RASGRP3: variants seen among roughly 807,000 people sequenced by gnomAD.
RASGRP3 encodes the protein ras guanyl-releasing protein 3.
RASGRP3 carries 54 observed loss-of-function variants against 82.7 expected under a neutral mutation model. That is an observed-to-expected ratio of 0.65 (90% CI 0.52 to 0.82). The LOEUF (loss-of-function observed/expected upper bound fraction) is 0.82. Ranked by LOEUF, RASGRP3 falls within the 40% of genes least tolerant of loss-of-function variation. RASGRP3 has a pLI of 0.00. For synonymous variants in RASGRP3, 309 were observed against 300.5 expected, an observed-to-expected ratio of 1.03 and a Z score of -0.29; for missense variants, 861 against 828.9, an observed-to-expected ratio of 1.04 and a Z score of -0.48.
At chr2:33,499,933 A>T (rs1307499764) in intron 1 of RASGRP3, among the ~76,000 whole-genome samples, 1 of 152,174 alleles carries the variant, frequency 6.6e-6, no homozygotes. Flanking sequence ...TTCTTAAGCC[A>T]TTGGAGAGAC....
chr2:33,529,665 A>G (rs1219393027), intron 10 of RASGRP3, among the ~76,000 whole-genome samples: 1 of 152,072 alleles, frequency 6.6e-6, no homozygotes, highest in African/African-American at 2.4e-5. Flanking sequence ...AGCATAGTGT[A>G]GTGGCAAAAT....
At chr2:33,526,607 C>T (rs1211759530) in intron 9 of RASGRP3, among the ~76,000 whole-genome samples, 1 of 152,160 alleles carries the variant, frequency 6.6e-6, no homozygotes, top group Non-Finnish European at 1.5e-5. Flanking sequence ...CGGAACTTCT[C>T]TTACTTACAG....
At chr2:33,473,600 A>C (rs1370448612), upstream of RASGRP3, among the ~76,000 whole-genome samples, 1 of 152,146 alleles carries the variant, frequency 6.6e-6, no homozygotes, top group Non-Finnish European at 1.5e-5. Context: ...GTCGAAGACA[A>C]TGCTTGGAAC....
chr2:33,554,980 T>A (rs1334352501), intron 14 of RASGRP3: 1 of 152,290 alleles, frequency 6.6e-6, no homozygotes, highest in African/African-American at 2.4e-5. Context: ...TTTCGACATC[T>A]CCTACAACCC....
rs530199241 is a variant in RASGRP3 at position 33,563,361 on chromosome 2, C to T, written c.*624C>T. The T allele has an allele frequency of 1.3e-5, 2 of 152,558 alleles. No individual in the cohort carries two copies. Among genetic ancestry groups the T allele is most frequent in the South Asian group, 4.1e-4 (2 of 4,838 alleles). 9.5% of individuals were successfully genotyped at this position (152,558 alleles called of 1,614,324 possible). ...AAGGAGAAACTGTTTACATCCTTCC[C>T]ACTACACAGTTGCTATGATATGTAA... On this transcript the variant is annotated 3_prime_UTR_variant, in exon 18 of 18. Coordinates refer to ENST00000403687, the MANE Select transcript of RASGRP3 (RefSeq NM_001139488.2).
At chr2:33,530,391 C>T (rs1258270112) in intron 10 of RASGRP3, among the ~76,000 whole-genome samples, 1 of 151,648 alleles carries the variant, frequency 6.6e-6, no homozygotes, top group Admixed American at 6.6e-5. Context: ...TAGTTAATTA[C>T]AGTTTTCACA....
intron 17 of RASGRP3, among the ~76,000 whole-genome samples, 173 bp from the exon 18 acceptor site, chr2:33,562,556 C>A (rs949656533): frequency 2.0e-5 from 3 of 152,150 alleles, no homozygotes; most frequent in African/African-American, 7.2e-5. Flanking sequence ...TAGGTGTGAG[C>A]CACTGCACCC....
chr2:33,459,668 G>T (rs1231512454), intron 2 of RASGRP3, among the ~76,000 whole-genome samples: 1 of 150,540 alleles, frequency 6.6e-6, no homozygotes, highest in Non-Finnish European at 1.5e-5. Flanking sequence ...AGTGGTGAGG[G>T]GACAAGGAGG....
chr2:33,470,357 T>C (rs12712340), intron 2 of RASGRP3, among the ~76,000 whole-genome samples: 54,369 of 150,368 alleles, frequency 0.36, 11,829 homozygotes, highest in Non-Finnish European at 0.47. Flanking sequence ...TTGTTGCTAT[T>C]ATAAATAATA....
intron 7 of RASGRP3, among the ~76,000 whole-genome samples, chr2:33,522,457 T>C (rs999606124): frequency 6.6e-6 from 1 of 152,226 alleles, no homozygotes; most frequent in African/African-American, 2.4e-5. Context: ...GGAAAAAATA[T>C]TTAGTTAGGT....
chr2:33,451,166 G>A (rs1665780215), intron 2 of RASGRP3, among the ~76,000 whole-genome samples: 1 of 151,722 alleles, frequency 6.6e-6, no homozygotes, highest in Non-Finnish European at 1.5e-5. Flanking sequence ...GCCCAGCTGA[G>A]CATTTTTTCA....
chr2:33,539,119 A>T lies in RASGRP3; in HGVS notation c.1187A>T (p.Asn396Ile). 1 of 1,610,668 alleles carries T rather than the reference A, an allele frequency of 6.2e-7. No individual in the cohort carries two copies. The highest frequency in any genetic ancestry group is 2.2e-5 in the East Asian group (1 of 44,790). Residue 396 changes from asparagine (N) to isoleucine (I), a missense_variant, in exon 12 of 18, where the codon AAC becomes ATC. Transcript: ENST00000403687. Reference sequence around the variant, plus strand: ...CAGCCTACCTCCCCTACGACGCCCAACAAGCCTGTGGTACCCCTGGAGTGG... The same window carrying T: ...CAGCCTACCTCCCCTACGACGCCCATCAAGCCTGTGGTACCCCTGGAGTGG... The part of the protein sequence containing the change: ...KSQPTSPTTP[N>I]KPVVPLEWAL...
upstream of RASGRP3, among the ~76,000 whole-genome samples, chr2:33,472,056 A>C (rs1169759093): frequency 1.3e-5 from 2 of 152,194 alleles, no homozygotes; most frequent in African/African-American, 4.8e-5. Context: ...GTAGCCTAAT[A>C]TAAAATCAAG....
upstream of RASGRP3, among the ~76,000 whole-genome samples, chr2:33,472,304 C>A (rs892707167): frequency 1.3e-5 from 2 of 152,140 alleles, no homozygotes; most frequent in Admixed American, 6.5e-5. Context: ...GCAACCGCAG[C>A]GAAATGTACA....
chr2:33,542,786 C>G (rs186032738), intron 12 of RASGRP3, among the ~76,000 whole-genome samples: 2 of 119,308 alleles, frequency 1.7e-5, no homozygotes, highest in East Asian at 3.9e-4. Context: ...CAGGTTCAAG[C>G]GATTCTCGTG....
At chr2:33,547,711 T>C (rs1674937694) in intron 13 of RASGRP3, among the ~76,000 whole-genome samples, 1 of 152,106 alleles carries the variant, frequency 6.6e-6, no homozygotes, top group Non-Finnish European at 1.5e-5. Flanking sequence ...GAGCAAACTC[T>C]GGTGGGAACT....
chr2:33,505,517 G>A, intron 1 of RASGRP3, among the ~76,000 whole-genome samples: 1 of 152,012 alleles, frequency 6.6e-6, no homozygotes, highest in East Asian at 1.9e-4. Context: ...GGTCAGGCTG[G>A]TCTCGAACTC....
intron 1 of RASGRP3, among the ~76,000 whole-genome samples, chr2:33,477,865 G>T (rs181516955): frequency 5.9e-5 from 9 of 152,320 alleles, no homozygotes; most frequent in Admixed American, 5.9e-4. Context: ...TGGGCAGAGA[G>T]GGGCTGTTTT....
chr2:33,490,449 A>G (rs1171243532), intron 1 of RASGRP3, among the ~76,000 whole-genome samples: 1 of 152,240 alleles, frequency 6.6e-6, no homozygotes, highest in African/African-American at 2.4e-5. Context: ...AATTCTAAAA[A>G]AGCAGATCAT....
Sources: gnomAD v4.1 joint callset for allele counts (sites outside exome capture counted in the v4.1 genomes callset) on GRCh38, gnomAD v4.1.1 for gene constraint, MANE v1.5 for transcripts, NCBI Gene and HGNC (gene_info 2026-07-23, HGNC 2026-07-21) for gene names.